HEXD: variants seen among roughly 807,000 people sequenced by gnomAD.
HEXD encodes the protein hexosaminidase D.
In HEXD, 47 loss-of-function variants were observed where a neutral mutation model predicts 54.2. The observed-to-expected ratio is 0.87, with a 90% CI of 0.69 to 1.11. HEXD has a LOEUF of 1.11. Ranked by LOEUF, HEXD falls within the 50% of genes least tolerant of loss-of-function variation. HEXD has a pLI of 0.00. For missense variants in HEXD, 576 were observed against 649.2 expected (o/e 0.89, Z 1.23); for synonymous variants, 293 against 287.6 (o/e 1.02, Z -0.19).
chr17:82,433,091 A>AAAAAAATATATATATATAT (rs1555617647), intron 4 of HEXD, among the ~76,000 whole-genome samples: 1 of 13,234 alleles, frequency 7.6e-5, no homozygotes, highest in Non-Finnish European at 1.0e-4. Flanking sequence ...AAAAAAAAAA[A>AAAAAAATATATATATATAT]ATATATATAT....
rs759608372 is a variant in HEXD at position 82,441,036 on chromosome 17, T to C, written c.1022T>C (p.Leu341Pro). ...DEDVKAKVEN[L>P]LGISSLEKTD... Reference sequence around the variant, plus strand: ...GATGTTAAAGCGAAAGTGGAGAACCTTCTCGGGATTTCCAGCCTGGAAAAA... The same window carrying C: ...GATGTTAAAGCGAAAGTGGAGAACCCTCTCGGGATTTCCAGCCTGGAAAAA... Residue 341 changes from leucine to proline, a missense_variant, in exon 10 of 13, where the codon CTT becomes CCT. Physicochemically the swap from Leu to Pro is moderately conservative, Grantham distance 98. Coordinates refer to ENST00000327949, the MANE Select transcript of HEXD (RefSeq NM_001330542.2). 3.1e-6 allele frequency: 5 copies of C among 1,613,590 alleles called. No homozygotes were observed. The highest frequency in any genetic ancestry group is 4.2e-6 in the Non-Finnish European group (5 of 1,179,976).
intron 2 of HEXD, among the ~76,000 whole-genome samples, chr17:82,424,019 G>GGCT (rs1470137844): frequency 1.3e-5 from 2 of 149,692 alleles, no homozygotes; most frequent in Admixed American, 6.7e-5. Flanking sequence ...CCTTCAGCCT[G>GGCT]GCTGCCCTGT....
chr17:82,430,072 A>G (rs192524755), intron 4 of HEXD, among the ~76,000 whole-genome samples: 155 of 152,098 alleles, frequency 1.0e-3, no homozygotes, highest in Admixed American at 2.2e-3. Context: ...TTCCTCTGTC[A>G]TGCAGGCACC....
chr17:82,436,289 G>C (rs1001331255), intron 6 of HEXD, among the ~76,000 whole-genome samples: 3 of 152,252 alleles, frequency 2.0e-5, no homozygotes, highest in Admixed American at 6.5e-5. Context: ...GTTCCACACA[G>C]AGCCCCGAGG....
chr17:82,432,195 G>A (rs533354467), intron 4 of HEXD, among the ~76,000 whole-genome samples: 18 of 152,280 alleles, frequency 1.2e-4, no homozygotes, highest in African/African-American at 2.4e-4. Context: ...CTAGGTTCGC[G>A]CAGTTCCCAC....
chr17:82,432,046 G>A (rs2053590026), intron 4 of HEXD, among the ~76,000 whole-genome samples: 1 of 152,122 alleles, frequency 6.6e-6, no homozygotes, highest in African/African-American at 2.4e-5. Flanking sequence ...ATTTTAGCCT[G>A]GCTTCCTAGG....
chr17:82,428,696 C>T (rs2053491792), intron 4 of HEXD, 51 bp downstream of exon 4: 2 of 1,522,758 alleles, frequency 1.3e-6, no homozygotes, highest in Non-Finnish European at 1.8e-6. Flanking sequence ...GGTCCAGGGG[C>T]TGCAGGCTGG....
intron 2 of HEXD, among the ~76,000 whole-genome samples, chr17:82,422,284 T>C (rs2053258495): frequency 6.6e-6 from 1 of 151,638 alleles, no homozygotes; most frequent in African/African-American, 2.4e-5. Flanking sequence ...CATAACAAGA[T>C]AAAAGATACT....
chr17:82,426,369 T>C (rs1224945624), intron 3 of HEXD: 1 of 151,838 alleles, frequency 6.6e-6, no homozygotes, highest in Non-Finnish European at 1.5e-5. Context: ...GTGGTCGGGA[T>C]GTTCCTGGGC....
In HEXD at chr17:82,435,875, C is replaced by G. The variant is rs199696236; in HGVS notation, c.631+3C>G. On this transcript the variant is annotated splice_donor_region_variant and intron_variant, in intron 6 of 12. Transcript: ENST00000327949. ...CCTGCCTGAGGACCAGCTCGCAGGT[C>G]GGCCAACAGGGCTGGGGGAGGGGGT... The G allele has an allele frequency of 6.2e-7, 1 of 1,601,738 alleles. No homozygotes were observed. Among genetic ancestry groups the G allele is most frequent in the Admixed American group, 1.7e-5 (1 of 59,788 alleles).
Position 82,442,008 on chromosome 17 carries a change from TG to T in HEXD, c.1253+121del. 7.7e-7 allele frequency: 1 copy of T among 1,291,748 alleles called. No individual in the cohort carries two copies. Among genetic ancestry groups the T allele is most frequent in the Non-Finnish European group, 1.1e-6 (1 of 910,018 alleles). 80.0% of individuals were successfully genotyped at this position (1,291,748 alleles called of 1,614,324 possible). ...GAGCCCCTAGTTGTAAAAGGCCCTC[TG>T]GTCTCAGATGTGCAGCTGTCACCGA... On this transcript the variant is annotated intron_variant, in intron 12 of 12. Transcript: ENST00000327949. This position sits in a 1 kb window ranked among gnomAD's most constrained non-coding sequence, Gnocchi z 6.8.
chr17:82,433,091 A>T (rs866323103), intron 4 of HEXD, among the ~76,000 whole-genome samples: 172 of 13,212 alleles, frequency 0.013, 1 homozygote, highest in Non-Finnish European at 0.015. Flanking sequence ...AAAAAAAAAA[A>T]ATATATATAT....
At chr17:82,425,563 C>A (rs565943867) in intron 3 of HEXD, 1 of 152,512 alleles carries the variant, frequency 6.6e-6, no homozygotes, top group Non-Finnish European at 1.5e-5. Flanking sequence ...CTGCTTAATG[C>A]TAAAATCACA....
At chr17:82,429,534 G>A (rs531520869) in intron 4 of HEXD, among the ~76,000 whole-genome samples, 4 of 152,178 alleles carry the variant, frequency 2.6e-5, no homozygotes, top group Non-Finnish European at 4.4e-5. Flanking sequence ...TCTGGGACCC[G>A]GCCTGCGCTC....
rs375585450 is a variant in HEXD, at chr17:82,441,878, C to T, written c.1242C>T (p.Pro414=). ...CGGTCATGGTTCAGCACATCCAGCCCGCAGCGCTCAGGTGAGGCCCTGGGC... is the reference window on the plus strand; with the variant it reads ...CGGTCATGGTTCAGCACATCCAGCCTGCAGCGCTCAGGTGAGGCCCTGGGC... ...IHPVMVQHIQ[P]AALSLLAQWS... is the part of the protein sequence containing the mutation. Residue 414 remains proline (P), a synonymous_variant, in exon 12 of 13, where the codon CCC becomes CCT. Transcript: ENST00000327949. 10 of 1,613,048 alleles carry T rather than the reference C, an allele frequency of 6.2e-6. No individual in the cohort carries two copies. The highest frequency in any genetic ancestry group is 5.0e-5 in the Admixed American group (3 of 59,992).
intron 7 of HEXD, 38 bp from the exon 8 acceptor site, chr17:82,437,130 T>C: frequency 6.5e-7 from 1 of 1,529,078 alleles, no homozygotes; most frequent in Non-Finnish European, 8.9e-7. Flanking sequence ...GTTGGCCGCC[T>C]CCCCTGGAGC....
At chr17:82,436,517 G>A in intron 6 of HEXD, 150 bp from the exon 7 acceptor site, 1 of 624,062 alleles carries the variant, frequency 1.6e-6, no homozygotes, top group Non-Finnish European at 2.8e-6. Flanking sequence ...TGTGGTTGTG[G>A]CATTCATTGT....
chr17:82,436,897 A>G, intron 7 of HEXD, 159 bp downstream of exon 7: 1 of 676,690 alleles, frequency 1.5e-6, no homozygotes, highest in Non-Finnish European at 2.5e-6. Context: ...GTGCCTCGGG[A>G]CGGCCACCGT....
chr17:82,428,471 G>A (rs2053484286), intron 3 of HEXD, 87 bp from the exon 4 acceptor site: 1 of 1,116,420 alleles, frequency 9.0e-7, no homozygotes, highest in East Asian at 2.4e-5. Context: ...GAGCCCCCCA[G>A]GGCCTGATGA....
Sources: allele counts gnomAD v4.1 joint callset (sites outside exome capture counted in the v4.1 genomes callset), GRCh38; gene constraint gnomAD v4.1.1; non-coding constraint Gnocchi (gnomAD v3.1); transcripts MANE v1.5; gene names NCBI Gene and HGNC (gene_info 2026-07-23, HGNC 2026-07-21).